The following HDAC9 variants were observed in gnomAD, a reference collection of about 807,000 sequenced individuals.
HDAC9 encodes MEF-2 interacting transcription repressor (MITR) protein.
HDAC9 carries 41 observed loss-of-function variants against 139.4 expected under a neutral mutation model. That is an observed-to-expected ratio of 0.29 (90% CI 0.23 to 0.38). The LOEUF (loss-of-function observed/expected upper bound fraction) is 0.38, where lower values mean the gene tolerates loss of function less well. Among genes scored for constraint, HDAC9 ranks in the 10% least tolerant of loss-of-function variants. The pLI, the probability that HDAC9 is intolerant of heterozygous loss-of-function variation, is 1.00. For synonymous variants in HDAC9, 517 were observed against 476.2 expected (o/e 1.09, Z -1.12); for missense variants, 1,147 against 1,297.0 (o/e 0.88, Z 1.78).
chr7:18,495,785 G>T lies in HDAC9; in HGVS notation c.-280G>T, dbSNP rs535850205. Reference sequence around the variant, plus strand: ...CAGACACAGATAGGAGAAGGGCACCGGCTGGAGCCACTTGCAGGACTGAGG... The same window carrying T: ...CAGACACAGATAGGAGAAGGGCACCTGCTGGAGCCACTTGCAGGACTGAGG... On this transcript the variant is annotated 5_prime_UTR_variant, in exon 1 of 26. Coordinates refer to ENST00000686413, the MANE Select transcript of HDAC9 (RefSeq NM_178425.4). 1.0e-6 allele frequency: 1 copy of T among 997,874 alleles called. No individual in the cohort carries two copies. The highest frequency in any genetic ancestry group is 1.2e-6 in the Non-Finnish European group (1 of 838,546). 61.8% of individuals were successfully genotyped at this position (997,874 alleles called of 1,614,324 possible). A position where few individuals can be genotyped will look rare whatever the true frequency, so the allele number is the denominator to read the frequency against.
rs1354957087 is a variant in HDAC9 at position 18,727,749 on chromosome 7, C to G, written c.1901C>G (p.Ser634Cys). 6.6e-7 allele frequency: 1 copy of G among 1,524,558 alleles called. No homozygotes were observed. The highest frequency in any genetic ancestry group is 1.4e-5 in the African/African-American group (1 of 70,222). 94.4% of individuals were successfully genotyped at this position (1,524,558 alleles called of 1,614,324 possible). A position where few individuals can be genotyped will look rare whatever the true frequency, so the allele number is the denominator to read the frequency against. ...ATGGACCGCCCCCTCCAGCCTGGCT[C>G]TGCAACTGGTAGGAATCCCTAAAGA... is the stretch of plus-strand genomic sequence containing the variant. ...PAMDRPLQPG[S>C]ATGIAYDPLM... is the part of the protein sequence containing the mutation. Residue 634 changes from serine (S) to cysteine (C), a missense_variant, in exon 13 of 26, where the codon TCT (serine) becomes TGT (cysteine). Coordinates refer to ENST00000686413, the MANE Select transcript of HDAC9 (RefSeq NM_178425.4).
intron 2 of HDAC9, among the ~76,000 whole-genome samples, chr7:18,283,520 GT>G (rs1456651777): frequency 3.9e-5 from 6 of 152,166 alleles, no homozygotes; most frequent in Admixed American, 2.0e-4. Context: ...AAAGCAGAAA[GT>G]TTAACAGTGG....
At chr7:18,759,709 C>T (rs992569829) in intron 14 of HDAC9, among the ~76,000 whole-genome samples, 1 of 152,096 alleles carries the variant, frequency 6.6e-6, no homozygotes, top group Non-Finnish European at 1.5e-5. Context: ...GATTGGAAAC[C>T]GCTGTTCTTA....
chr7:18,546,294 G>C (rs899202962), intron 2 of HDAC9, among the ~76,000 whole-genome samples: 3 of 152,176 alleles, frequency 2.0e-5, no homozygotes, highest in African/African-American at 7.2e-5. Context: ...CAAGAAGTCA[G>C]CTTTTAGAAT....
chr7:18,873,216 A>G (rs938109445), intron 21 of HDAC9, among the ~76,000 whole-genome samples: 3 of 152,142 alleles, frequency 2.0e-5, no homozygotes, highest in African/African-American at 4.8e-5. Context: ...GAAAAAACAT[A>G]ATACAATTGT....
At chr7:18,419,511 A>G (rs1353487647) in intron 1 of HDAC9, among the ~76,000 whole-genome samples, 1 of 152,304 alleles carries the variant, frequency 6.6e-6, no homozygotes, top group Non-Finnish European at 1.5e-5. Context: ...GTTTTCCACT[A>G]AGCATTTCCT....
At chr7:18,941,805 G>A (rs1024493068) in intron 23 of HDAC9, among the ~76,000 whole-genome samples, 1 of 152,142 alleles carries the variant, frequency 6.6e-6, no homozygotes, top group Admixed American at 6.5e-5. Context: ...ATACTTTTCA[G>A]TGTAGATGTG....
intron 2 of HDAC9, among the ~76,000 whole-genome samples, chr7:18,501,047 G>A (rs1798228930): frequency 6.6e-6 from 1 of 151,926 alleles, no homozygotes; most frequent in Non-Finnish European, 1.5e-5. Context: ...AAATGAAAAA[G>A]GAAAACAGTT....
intron 1 of HDAC9, among the ~76,000 whole-genome samples, chr7:18,467,543 C>T (rs1794383748): frequency 6.6e-6 from 1 of 152,040 alleles, no homozygotes; most frequent in Non-Finnish European, 1.5e-5. Flanking sequence ...TCTATACTTG[C>T]CATTTATATT....
chr7:18,098,034 C>T (rs1017981880), intron 1 of HDAC9, among the ~76,000 whole-genome samples: 2 of 152,122 alleles, frequency 1.3e-5, no homozygotes, highest in African/African-American at 4.8e-5. Flanking sequence ...GTTTTCTTTG[C>T]TTATCTTGCC....
chr7:18,872,243 T>C (rs1395109559), intron 21 of HDAC9, among the ~76,000 whole-genome samples: 1 of 152,136 alleles, frequency 6.6e-6, no homozygotes, highest in Non-Finnish European at 1.5e-5. Flanking sequence ...TGAGTTCAGA[T>C]ATATAGGATT....
At chr7:18,785,382 A>G (rs967787255) in intron 16 of HDAC9, among the ~76,000 whole-genome samples, 5 of 151,992 alleles carry the variant, frequency 3.3e-5, no homozygotes, top group African/African-American at 4.8e-5. Flanking sequence ...GGCTCTATGC[A>G]CTAGAAGCCA....
chr7:18,810,243 A>G (rs1001694156), intron 17 of HDAC9, among the ~76,000 whole-genome samples: 3 of 151,946 alleles, frequency 2.0e-5, no homozygotes, highest in African/African-American at 4.8e-5. Flanking sequence ...AAAGAAAGAA[A>G]GGAAAACACA....
At chr7:18,513,801 C>A (rs1329372362) in intron 2 of HDAC9, among the ~76,000 whole-genome samples, 1 of 152,106 alleles carries the variant, frequency 6.6e-6, no homozygotes. Context: ...TTTTTAATTC[C>A]CTAAACCAGA....
At chr7:18,639,591 G>T (rs1158834273) in intron 8 of HDAC9, among the ~76,000 whole-genome samples, 1 of 151,964 alleles carries the variant, frequency 6.6e-6, no homozygotes, top group Non-Finnish European at 1.5e-5. Context: ...ATTACGTGGA[G>T]ATTTTAATTT....
intron 25 of HDAC9, among the ~76,000 whole-genome samples, chr7:18,982,315 C>T (rs1157810343): frequency 6.6e-6 from 1 of 152,024 alleles, no homozygotes; most frequent in Non-Finnish European, 1.5e-5. Context: ...CATATCTGGT[C>T]ATGCCTCTGC....
intron 1 of HDAC9, among the ~76,000 whole-genome samples, chr7:18,408,122 C>G (rs1469160847): frequency 6.6e-6 from 1 of 152,026 alleles, no homozygotes; most frequent in Non-Finnish European, 1.5e-5. Context: ...AGTGTTAATA[C>G]TTATTAGTAT....
intron 25 of HDAC9, among the ~76,000 whole-genome samples, chr7:18,978,957 T>C (rs140533800): frequency 6.6e-6 from 1 of 152,296 alleles, no homozygotes; most frequent in East Asian, 1.9e-4. Context: ...TGTTTTTTTT[T>C]TAACTAACAC....
At chr7:18,254,032 TA>T (rs1323040102) in intron 2 of HDAC9, among the ~76,000 whole-genome samples, 1 of 152,234 alleles carries the variant, frequency 6.6e-6, no homozygotes, top group Admixed American at 6.5e-5. Context: ...CCATAGTGTT[TA>T]AACATCATGC....
Sources: allele counts gnomAD v4.1 joint callset (sites outside exome capture counted in the v4.1 genomes callset), GRCh38; gene constraint gnomAD v4.1.1; transcripts MANE v1.5; gene names NCBI Gene and HGNC (gene_info 2026-07-23, HGNC 2026-07-21).